Variants in CELF2 observed in about 807,000 individuals in gnomAD.
CELF2 encodes the protein CUGBP Elav-like family member 2, also known as CUG triplet repeat RNA-binding protein 2.
A neutral mutation model predicts 62.6 loss-of-function variants in CELF2; 8 were observed. That is an observed-to-expected ratio of 0.13 (90% CI 0.07 to 0.23). CELF2 has a LOEUF of 0.23. Among genes scored for constraint, CELF2 ranks in the 10% least tolerant of loss-of-function variants. CELF2 has a pLI of 1.00. For synonymous variants in CELF2, 258 were observed against 250.0 expected (o/e 1.03, Z -0.30); for missense variants, 333 against 671.0 (o/e 0.50, Z 5.56).
chr10:10,618,950 A>G, the CELF2 span, among the ~76,000 whole-genome samples: 1 of 152,194 alleles, frequency 6.6e-6, no homozygotes, highest in Non-Finnish European at 1.5e-5. Flanking sequence ...TGCTGTTTGC[A>G]TAGCATGTGA....
chr10:11,233,425 T>G (rs185007168), intron 3 of CELF2, among the ~76,000 whole-genome samples: 197 of 152,322 alleles, frequency 1.3e-3, no homozygotes, highest in African/African-American at 4.5e-3. Context: ...GCGTGATTTC[T>G]TTAGGTCCCA....
chr10:10,664,642 G>T, the CELF2 span, among the ~76,000 whole-genome samples: 6 of 152,198 alleles, frequency 3.9e-5, no homozygotes, highest in African/African-American at 1.2e-4. Context: ...CTTTAAAGTG[G>T]CTAGATAGAA....
At chr10:11,238,513 C>T (rs571870523) in intron 3 of CELF2, among the ~76,000 whole-genome samples, 1 of 152,282 alleles carries the variant, frequency 6.6e-6, no homozygotes, top group African/African-American at 2.4e-5. Context: ...GGGAGCTCAA[C>T]TGACTGGATT....
chr10:11,208,122 C>G (rs1373254868), intron 2 of CELF2, among the ~76,000 whole-genome samples: 3 of 152,086 alleles, frequency 2.0e-5, no homozygotes, highest in Non-Finnish European at 4.4e-5. Flanking sequence ...CTCTTGGCTC[C>G]TGGTGTGACT....
intron 1 of CELF2, among the ~76,000 whole-genome samples, chr10:10,837,415 T>A (rs1310375719): frequency 6.6e-6 from 1 of 152,216 alleles, no homozygotes; most frequent in Non-Finnish European, 1.5e-5. Flanking sequence ...TCTTTATAAA[T>A]GACCCAGTCT....
rs918838776 is a variant in CELF2 at position 11,009,013 on chromosome 10, G to C, written c.53+3573G>C. 3.0e-4 allele frequency among the ~76,000 whole-genome samples: 43 copies of C among 143,604 alleles called. 1 individual carries two copies. The highest frequency in any genetic ancestry group is 5.4e-4 in the African/African-American group (22 of 40,510). 94.2% of individuals were successfully genotyped at this position (143,604 alleles called of 152,430 possible). A position where few individuals can be genotyped will look rare whatever the true frequency, so the allele number is the denominator to read the frequency against. ...AATTCCTGGGGAATTTGCGGGGGGG[G>C]GGGGGGAGCATTCCTGATTCATAAA... On this transcript the variant is annotated intron_variant, in intron 1 of 12. Transcript: ENST00000416382.
chr10:10,488,263 C>T, the CELF2 span, among the ~76,000 whole-genome samples: 13 of 152,230 alleles, frequency 8.5e-5, no homozygotes, highest in East Asian at 1.3e-3. Context: ...AAACAAACGA[C>T]TGAACTAGTG....
chr10:11,002,013 A>G (rs1191223238), upstream of CELF2, among the ~76,000 whole-genome samples: 1 of 152,192 alleles, frequency 6.6e-6, no homozygotes, highest in African/African-American at 2.4e-5. This position sits in a 1 kb window ranked among gnomAD's most constrained non-coding sequence, Gnocchi z 4.4. Context: ...TTAACTTACT[A>G]TCTATCTGTA....
At chr10:11,184,935 C>T (rs2074432013) in intron 2 of CELF2, among the ~76,000 whole-genome samples, 1 of 152,152 alleles carries the variant, frequency 6.6e-6, no homozygotes, top group Non-Finnish European at 1.5e-5. Flanking sequence ...ATAGTGAGAG[C>T]AGACATTATT....
the CELF2 span, among the ~76,000 whole-genome samples, chr10:10,600,781 C>A: frequency 1.9e-4 from 29 of 152,204 alleles, no homozygotes; most frequent in East Asian, 5.6e-3. Context: ...AATGAGCAAA[C>A]GAGTAGAACA....
intron 1 of CELF2, among the ~76,000 whole-genome samples, chr10:11,055,236 CAA>C (rs1231516554): frequency 2.0e-5 from 3 of 152,162 alleles, no homozygotes; most frequent in Non-Finnish European, 4.4e-5. Context: ...AGGTGAAAGA[CAA>C]ATACACATTA....
intron 1 of CELF2, chr10:11,097,139 C>T (rs1334004696): frequency 6.6e-6 from 1 of 152,080 alleles, no homozygotes; most frequent in East Asian, 1.9e-4. Context: ...TTAGTTAATG[C>T]AATTTAGTGA....
intron 1 of CELF2, among the ~76,000 whole-genome samples, chr10:11,129,563 A>T (rs540470935): frequency 4.1e-4 from 62 of 152,138 alleles, no homozygotes; most frequent in African/African-American, 1.2e-3. Context: ...GAGCCTGTTA[A>T]TGGTCTGTTC....
the CELF2 span, among the ~76,000 whole-genome samples, chr10:10,790,805 C>A: frequency 6.6e-6 from 1 of 152,100 alleles, no homozygotes; most frequent in Non-Finnish European, 1.5e-5. Flanking sequence ...ATTGAATGAT[C>A]CGTATGATTC....
intron 1 of CELF2, among the ~76,000 whole-genome samples, chr10:11,088,008 C>T (rs183176411): frequency 2.0e-5 from 3 of 152,328 alleles, no homozygotes; most frequent in Admixed American, 1.3e-4. Context: ...TCACTGAATG[C>T]CCTTTAGGTA....
Position 11,247,392 on chromosome 10 carries a change from G to A in CELF2, c.355-1761G>A, listed in dbSNP as rs759707204. On this transcript the variant is annotated intron_variant, in intron 3 of 12. Coordinates refer to ENST00000633077, the MANE Select transcript of CELF2 (RefSeq NM_001326342.2). The surrounding 1 kb of genome is among the most constrained non-coding windows in gnomAD (Gnocchi z 5.4). ...GGCTGCCCCGTGAGTTTCACATGCC[G>A]GCCCCCCTTCAGTGCTCGCACGTCC... is the stretch of plus-strand genomic sequence containing the variant. Among the ~76,000 whole-genome samples the A allele has an allele frequency of 4.6e-5, 7 of 152,128 alleles. No homozygotes were observed. The highest frequency in any genetic ancestry group is 3.2e-3 in the Middle Eastern group (1 of 316).
intron 1 of CELF2, among the ~76,000 whole-genome samples, chr10:10,843,957 T>C (rs1329012219): frequency 6.6e-6 from 1 of 151,980 alleles, no homozygotes; most frequent in Non-Finnish European, 1.5e-5. Flanking sequence ...TTATGTAAGA[T>C]ATTGTGGAAG....
At chr10:11,253,997 C>T (rs2077941307) in intron 4 of CELF2, among the ~76,000 whole-genome samples, 3 of 152,150 alleles carry the variant, frequency 2.0e-5, no homozygotes, top group Non-Finnish European at 4.4e-5. Flanking sequence ...TTCATTTAAA[C>T]TGACTTTCCT....
At chr10:11,086,900 C>T (rs2046971129) in intron 1 of CELF2, among the ~76,000 whole-genome samples, 2 of 152,040 alleles carry the variant, frequency 1.3e-5, no homozygotes, top group South Asian at 2.1e-4. Context: ...GGGGGAGCAA[C>T]CACTGAGGGC....
Sources: gnomAD v4.1 joint callset for allele counts (sites outside exome capture counted in the v4.1 genomes callset) on GRCh38, gnomAD v4.1.1 for gene constraint, Gnocchi (gnomAD v3.1) non-coding constraint, MANE v1.5 for transcripts, NCBI Gene and HGNC (gene_info 2026-07-23, HGNC 2026-07-21) for gene names.